The following NAV1 variants were observed in gnomAD, a reference collection of about 807,000 sequenced individuals.
NAV1 encodes the protein pore membrane and/or filament interacting like protein 3.
A neutral mutation model predicts 175.2 loss-of-function variants in NAV1; 18 were observed. That is an observed-to-expected ratio of 0.10 (90% CI 0.07 to 0.15). NAV1 has a LOEUF of 0.15. NAV1 is among the 10% of genes least tolerant of loss of function. The pLI is 1.00. For missense variants in NAV1, 1,731 were observed against 2,436.6 expected, an observed-to-expected ratio of 0.71 and a Z score of 6.10; for synonymous variants, 897 against 978.7, an observed-to-expected ratio of 0.92 and a Z score of 1.56.
At chr1:201,563,962 T>C (rs1666279216) in intron 1 of NAV1, among the ~76,000 whole-genome samples, 1 of 151,770 alleles carries the variant, frequency 6.6e-6, no homozygotes, top group South Asian at 2.1e-4. Flanking sequence ...CCAGGCATGG[T>C]AGTGTGTCCC....
At chr1:201,790,559 G>A in exon 12 of NAV1, 1 of 1,614,076 alleles carries the variant, frequency 6.2e-7, no homozygotes, top group Non-Finnish European at 8.5e-7. Context: ...TTCAGGCTGA[G>A]GAGAGGATGC....
chr1:201,610,529 G>A (rs1667814917), intron 2 of NAV1, among the ~76,000 whole-genome samples: 1 of 152,320 alleles, frequency 6.6e-6, no homozygotes, highest in African/African-American at 2.4e-5. Context: ...TCTGAGGGAG[G>A]TGTTGGAGGA....
At chr1:201,642,558 T>TTCTTTCTTTCTTTCTTTCC (rs1668822722) in intron 2 of NAV1, among the ~76,000 whole-genome samples, 1 of 104,440 alleles carries the variant, frequency 9.6e-6, no homozygotes, top group Non-Finnish European at 2.4e-5. Context: ...TCTTTCTTTT[T>TTCTTTCTTTCTTTCTTTCC]TCCCTTTCTT....
At chr1:201,643,359 CTCTT>C (rs1437166663), upstream of NAV1, among the ~76,000 whole-genome samples, 5 of 142,786 alleles carry the variant, frequency 3.5e-5, no homozygotes, top group African/African-American at 1.0e-4. Context: ...TTTCTTCCCT[CTCTT>C]CTTTCTTTCT....
At chr1:201,646,125 A>G (rs996833723), upstream of NAV1, among the ~76,000 whole-genome samples, 25 of 152,216 alleles carry the variant, frequency 1.6e-4, no homozygotes, top group African/African-American at 6.0e-4. Context: ...AGAAAGTCCC[A>G]TGATTGGCCT....
At chr1:201,597,194 G>A (rs1667371663) in intron 2 of NAV1, among the ~76,000 whole-genome samples, 2 of 152,156 alleles carry the variant, frequency 1.3e-5, no homozygotes, top group Admixed American at 1.3e-4. Context: ...TTAGGGAAAT[G>A]GTCACTGAGG....
intron 1 of NAV1, among the ~76,000 whole-genome samples, chr1:201,565,548 A>G (rs370739517): frequency 3.3e-5 from 5 of 152,386 alleles, no homozygotes; most frequent in African/African-American, 2.4e-5. Flanking sequence ...CACTGAGATC[A>G]CAAGGGAACA....
intron 2 of NAV1, among the ~76,000 whole-genome samples, chr1:201,613,818 C>T (rs1217440100): frequency 6.6e-5 from 10 of 152,234 alleles, no homozygotes; most frequent in Admixed American, 3.9e-4. Context: ...GCCAAGATCA[C>T]GCCACTGCAC....
At chr1:201,624,308 T>C (rs923850575) in intron 1 of NAV1, among the ~76,000 whole-genome samples, 2 of 148,590 alleles carry the variant, frequency 1.3e-5, no homozygotes, top group African/African-American at 2.5e-5. Flanking sequence ...GTTGATTGCA[T>C]AGAAAAACAA....
At chr1:201,543,729 G>A (rs1571812264) in intron 1 of NAV1, among the ~76,000 whole-genome samples, 1 of 152,244 alleles carries the variant, frequency 6.6e-6, no homozygotes, top group East Asian at 1.9e-4. Context: ...GGCATTAAAT[G>A]CATTTGCATT....
intron 2 of NAV1, among the ~76,000 whole-genome samples, chr1:201,643,154 C>G (rs1319788440): frequency 1.4e-5 from 2 of 141,340 alleles, no homozygotes; most frequent in East Asian, 2.1e-4. Flanking sequence ...CTTCCTCTCT[C>G]TCTTTCTTCC....
chr1:201,646,365 A>G (rs891130410), upstream of NAV1, among the ~76,000 whole-genome samples: 82 of 152,300 alleles, frequency 5.4e-4, no homozygotes, highest in African/African-American at 1.9e-3. Context: ...TGTTATTCTT[A>G]TAATTGGAAT....
At chr1:201,761,576 C>G (rs572618789) in intron 3 of NAV1, among the ~76,000 whole-genome samples, 1 of 152,268 alleles carries the variant, frequency 6.6e-6, no homozygotes, top group Admixed American at 6.5e-5. Flanking sequence ...GCAACGTCTT[C>G]GTTTAATAAA....
chr1:201,810,810 C>T lies in NAV1; in HGVS notation c.4797+52C>T, dbSNP rs973629391. On this transcript the variant is annotated intron_variant, in intron 24 of 29. Transcript: ENST00000367296. The surrounding 1 kb of genome is among the most constrained non-coding windows in gnomAD (Gnocchi z 6.0). ...GCCTTTGTTCATGCCTCAGCCTTCC[C>T]TAAGACCCTTCCTCGGCCCCTTCCT... is the stretch of plus-strand genomic sequence containing the variant. The T allele has an allele frequency of 4.0e-5, 57 of 1,423,518 alleles. No individual in the cohort carries two copies. The highest frequency in any genetic ancestry group is 5.6e-5 in the Non-Finnish European group (57 of 1,018,260). 88.2% of individuals were successfully genotyped at this position (1,423,518 alleles called of 1,614,324 possible).
intron 1 of NAV1, among the ~76,000 whole-genome samples, chr1:201,587,100 A>G (rs1477042217): frequency 6.6e-6 from 1 of 151,934 alleles, no homozygotes; most frequent in Non-Finnish European, 1.5e-5. Context: ...AGTCCCAGCT[A>G]CACAGGAAGC....
chr1:201,626,956 T>C (rs1001069115), intron 1 of NAV1, among the ~76,000 whole-genome samples: 1 of 152,210 alleles, frequency 6.6e-6, no homozygotes, highest in Non-Finnish European at 1.5e-5. Context: ...TGACTGAAAT[T>C]AGAGATAAAG....
intron 1 of NAV1, among the ~76,000 whole-genome samples, chr1:201,553,749 A>C (rs1557994349): frequency 2.0e-5 from 3 of 152,184 alleles, no homozygotes; most frequent in Non-Finnish European, 4.4e-5. Flanking sequence ...ACTTCATATA[A>C]ATGGAATCAT....
rs1281850417 is a variant in NAV1, at chr1:201,705,773, T to C, written c.758-7044T>C. Reference sequence around the variant, plus strand: ...GGTCATCAGATGGCGAAGAAAAGGATAGAGAGAGGGGATGGAGTCACTGTA... The same window carrying C: ...GGTCATCAGATGGCGAAGAAAAGGACAGAGAGAGGGGATGGAGTCACTGTA... On this transcript the variant is annotated intron_variant, in intron 1 of 29. Coordinates refer to ENST00000367296, the Ensembl canonical transcript of NAV1. Among the ~76,000 whole-genome samples the C allele has an allele frequency of 2.6e-5, 4 of 152,004 alleles. No homozygotes were observed. In the South Asian group the frequency reaches 8.3e-4, roughly 32 times the overall value.
At chr1:201,793,681 A>C in intron 13 of NAV1, 111 bp from the exon 18 acceptor site, 1 of 887,006 alleles carries the variant, frequency 1.1e-6, no homozygotes, top group South Asian at 1.6e-5. Context: ...GTTTGCTGGC[A>C]TTGGTCAGCT....
Sources: gnomAD v4.1 joint callset for allele counts (sites outside exome capture counted in the v4.1 genomes callset) on GRCh38, gnomAD v4.1.1 for gene constraint, Gnocchi (gnomAD v3.1) non-coding constraint, MANE v1.5 for transcripts, NCBI Gene and HGNC (gene_info 2026-07-23, HGNC 2026-07-21) for gene names.